FRMD5: variants seen among roughly 807,000 people sequenced by gnomAD.
FRMD5 encodes FERM domain containing 5.
FRMD5 carries 20 observed loss-of-function variants against 69.0 expected under a neutral mutation model. That is an observed-to-expected ratio of 0.29 (90% CI 0.20 to 0.42). The LOEUF (loss-of-function observed/expected upper bound fraction) is 0.42, where lower values mean the gene tolerates loss of function less well. Among genes scored for constraint, FRMD5 ranks in the 10% least tolerant of loss-of-function variants. The probability of loss-of-function intolerance (pLI) is 1.00; values close to 1 mark genes in which losing one functional copy is unlikely to be tolerated. For synonymous variants in FRMD5, 271 were observed against 260.1 expected, an observed-to-expected ratio of 1.04 and a Z score of -0.40; for missense variants, 595 against 708.6, an observed-to-expected ratio of 0.84 and a Z score of 1.82.
chr15:44,058,960 T>A (rs958143081), intron 1 of FRMD5, among the ~76,000 whole-genome samples: 2 of 152,182 alleles, frequency 1.3e-5, no homozygotes, highest in Non-Finnish European at 2.9e-5. Flanking sequence ...ATAGTAACTT[T>A]ATTTCTGTTT....
At chr15:44,102,004 A>C (rs2076647980) in intron 1 of FRMD5, among the ~76,000 whole-genome samples, 2 of 152,224 alleles carry the variant, frequency 1.3e-5, no homozygotes, top group Admixed American at 1.3e-4. Context: ...AAAGCCATGT[A>C]ATTTATTCTT....
At chr15:44,081,921 G>T (rs987237155) in intron 1 of FRMD5, among the ~76,000 whole-genome samples, 5 of 151,930 alleles carry the variant, frequency 3.3e-5, no homozygotes, top group Non-Finnish European at 1.5e-5. Flanking sequence ...GAAGAAAAGT[G>T]AACCCAAAAC....
At chr15:43,880,929 T>C (rs1287756970) in intron 13 of FRMD5, among the ~76,000 whole-genome samples, 1 of 152,172 alleles carries the variant, frequency 6.6e-6, no homozygotes, top group Non-Finnish European at 1.5e-5. Flanking sequence ...AAGCCAGAGC[T>C]GAATGGGGAC....
chr15:44,184,259 C>G (rs535373865), intron 1 of FRMD5, among the ~76,000 whole-genome samples: 4 of 152,302 alleles, frequency 2.6e-5, no homozygotes, highest in African/African-American at 7.2e-5. Flanking sequence ...ATAGTAGACA[C>G]AGAGTCACAT....
At chr15:44,049,668 G>T (rs1051407326) in intron 1 of FRMD5, among the ~76,000 whole-genome samples, 1 of 152,130 alleles carries the variant, frequency 6.6e-6, no homozygotes, top group African/African-American at 2.4e-5. Context: ...TGTCCTTTCT[G>T]TCATCTCCAT....
At chr15:43,938,868 A>T (rs531912676) in intron 1 of FRMD5, among the ~76,000 whole-genome samples, 8 of 151,828 alleles carry the variant, frequency 5.3e-5, no homozygotes, top group African/African-American at 1.4e-4. Flanking sequence ...TAGATTAATT[A>T]ATTTATTTTT....
intron 1 of FRMD5, among the ~76,000 whole-genome samples, chr15:44,160,993 T>C (rs753445780): frequency 2.0e-5 from 3 of 152,180 alleles, no homozygotes; most frequent in Non-Finnish European, 4.4e-5. Context: ...AGGCAGGTAA[T>C]TCACTAAATA....
chr15:44,122,533 C>T (rs143479092), intron 1 of FRMD5, among the ~76,000 whole-genome samples: 92 of 151,634 alleles, frequency 6.1e-4, no homozygotes, highest in Non-Finnish European at 1.1e-3. Flanking sequence ...AAGCAGAGAC[C>T]GCACCAGCCT....
At position 43,875,804 on chromosome 15, in the gene FRMD5, GTTTTTTTTTTT is replaced by G. The variant is rs34063043; in HGVS notation, c.1136-1353_1136-1343del. Reference sequence around the variant, plus strand: ...TCTTGCCTTTGGTGTCCTGGGCCTAGTTTTTTTTTTTTTTTTTTTTTTTCTTTCAGTCTTTC... The same window carrying G: ...TCTTGCCTTTGGTGTCCTGGGCCTAGTTTTTTTTTTTTCTTTCAGTCTTTC... On this transcript the variant is annotated intron_variant, in intron 13 of 13. Coordinates refer to ENST00000417257, the MANE Select transcript of FRMD5 (RefSeq NM_032892.5). 68 of 210,644 alleles carry G rather than the reference GTTTTTTTTTTT, an allele frequency of 3.2e-4. 4 individuals carry two copies. Among genetic ancestry groups the G allele is most frequent in the African/African-American group, 2.0e-3 (42 of 20,970 alleles). 13.0% of individuals were successfully genotyped at this position (210,644 alleles called of 1,614,324 possible).
chr15:44,038,641 C>A (rs1212747672), intron 1 of FRMD5, among the ~76,000 whole-genome samples: 1 of 149,088 alleles, frequency 6.7e-6, no homozygotes, highest in East Asian at 2.0e-4. Flanking sequence ...TCTGCATTTC[C>A]AACTGAGGTA....
In FRMD5 at chr15:43,871,996, T is replaced by G. The variant is rs1400833537; in HGVS notation, c.*1889A>C. 1 of 152,250 alleles carries G rather than the reference T, an allele frequency of 6.6e-6. No individual in the cohort carries two copies. Among genetic ancestry groups the G allele is most frequent in the African/African-American group, 2.4e-5 (1 of 41,464 alleles). 9.4% of individuals were successfully genotyped at this position (152,250 alleles called of 1,614,324 possible). Reference sequence around the variant, plus strand: ...AGAGCAGGATTGGCGTATTATGGCCTGTAGGCTAAATTCAGCTCACTGTTT... The same window carrying G: ...AGAGCAGGATTGGCGTATTATGGCCGGTAGGCTAAATTCAGCTCACTGTTT... On this transcript the variant is annotated 3_prime_UTR_variant, in exon 14 of 14. Transcript: ENST00000417257.
At chr15:44,066,415 C>T (rs1566929208) in intron 1 of FRMD5, among the ~76,000 whole-genome samples, 1 of 152,056 alleles carries the variant, frequency 6.6e-6, no homozygotes, top group African/African-American at 2.4e-5. Flanking sequence ...TTGGAGAGCG[C>T]CCTCTGGTGG....
At position 43,885,722 on chromosome 15, in the gene FRMD5, G is replaced by A. The variant is rs1271715051; in HGVS notation, c.918C>T (p.Ser306=). The stretch of plus-strand genomic sequence containing the variant: ...TCCCTTTAAAGAATAAATTGCTGCT[G>A]GACACTGTGCGGACTTGGCTTGACT... ...LEKSSQVRTV[S]SSNLFFKGSR... Residue 306 remains serine (S), a synonymous_variant, in exon 11 of 14, where the codon TCC becomes TCT. Transcript: ENST00000417257. 1.2e-6 allele frequency: 2 copies of A among 1,614,154 alleles called. No homozygotes were observed. Among genetic ancestry groups the A allele is most frequent in the Admixed American group, 1.7e-5 (1 of 60,030 alleles).
intron 13 of FRMD5, chr15:43,879,888 G>C (rs961384427): frequency 1.9e-5 from 7 of 375,326 alleles, no homozygotes; most frequent in African/African-American, 1.5e-4. Flanking sequence ...GAACTGCAGG[G>C]AAGGAGCAGC....
At chr15:43,964,499 AC>A (rs201375663) in intron 1 of FRMD5, among the ~76,000 whole-genome samples, 2,979 of 138,906 alleles carry the variant, frequency 0.021, 70 homozygotes, top group African/African-American at 0.078. Context: ...AAACAAACAA[AC>A]AAAAAAAAAA....
chr15:44,179,098 AT>A (rs1269405805), intron 1 of FRMD5, among the ~76,000 whole-genome samples: 1 of 152,212 alleles, frequency 6.6e-6, no homozygotes, highest in Admixed American at 6.5e-5. Context: ...AAAAGGAAAA[AT>A]TAACCTATCT....
At chr15:43,970,123 T>C (rs2090353165) in intron 1 of FRMD5, among the ~76,000 whole-genome samples, 1 of 152,246 alleles carries the variant, frequency 6.6e-6, no homozygotes, top group South Asian at 2.1e-4. Flanking sequence ...ATTGATGAAC[T>C]AGATGGAGTT....
At chr15:43,933,531 T>C (rs1443955728) in intron 1 of FRMD5, among the ~76,000 whole-genome samples, 1 of 152,242 alleles carries the variant, frequency 6.6e-6, no homozygotes, top group Admixed American at 6.5e-5. Flanking sequence ...TCTGATGGTC[T>C]TGTAGCTCTT....
chr15:43,979,398 C>T (rs923385481), intron 1 of FRMD5, among the ~76,000 whole-genome samples: 2 of 152,050 alleles, frequency 1.3e-5, no homozygotes, highest in Non-Finnish European at 2.9e-5. Flanking sequence ...CCTATACCTC[C>T]ACACTCTTAT....
Sources: allele counts gnomAD v4.1 joint callset (sites outside exome capture counted in the v4.1 genomes callset), GRCh38; gene constraint gnomAD v4.1.1; transcripts MANE v1.5; gene names NCBI Gene and HGNC (gene_info 2026-07-23, HGNC 2026-07-21).